Variants in MYH8 observed in about 807,000 individuals in gnomAD.
The protein encoded by MYH8 is myosin heavy chain 8, also known as myosin-8.
MYH8 carries 168 observed loss-of-function variants against 233.2 expected under a neutral mutation model. The observed-to-expected ratio is 0.72, with a 90% CI of 0.64 to 0.82. MYH8 has a LOEUF of 0.82. Ranked by LOEUF, MYH8 falls within the 40% of genes least tolerant of loss-of-function variation. MYH8 has a pLI of 0.00. For missense variants in MYH8, 1,995 were observed against 2,327.8 expected (o/e 0.86, Z 2.94); for synonymous variants, 785 against 850.6 (o/e 0.92, Z 1.34).
intron 22 of MYH8, 133 bp from the exon 23 acceptor site, chr17:10,401,918 C>T (rs1331814063): frequency 2.8e-5 from 36 of 1,281,982 alleles, no homozygotes; most frequent in Middle Eastern, 1.9e-4. Flanking sequence ...TTAATTTAAT[C>T]GAACATTATT....
intron 2 of MYH8, among the ~76,000 whole-genome samples, chr17:10,421,326 T>C (rs2072338018): frequency 6.6e-6 from 1 of 152,192 alleles, no homozygotes; most frequent in Non-Finnish European, 1.5e-5. Context: ...TAAAAATGTC[T>C]ATAAAATGTC....
In MYH8 at chr17:10,404,495, G is replaced by T. The variant is rs1373792176; in HGVS notation, c.2523C>A (p.Pro841=). Residue 841 remains proline (P), a synonymous_variant, in exon 22 of 40, where the codon CCC becomes CCA. Coordinates refer to ENST00000403437, the MANE Select transcript of MYH8 (RefSeq NM_002472.3). The part of the protein sequence containing the change: ...PWMKLFFKIK[P]LLKSAETEKE... Reference sequence around the variant, plus strand: ...TCTCGGTCTCTGCACTCTTGAGGAGGGGCTTAATCTTGAAAAAGAGTTTCA... The same window carrying T: ...TCTCGGTCTCTGCACTCTTGAGGAGTGGCTTAATCTTGAAAAAGAGTTTCA... 1.9e-6 allele frequency: 3 copies of T among 1,613,836 alleles called. No individual in the cohort carries two copies. Among genetic ancestry groups the T allele is most frequent in the Non-Finnish European group, 2.5e-6 (3 of 1,179,906 alleles).
chr17:10,403,812 A>G (rs1047693068), intron 22 of MYH8, among the ~76,000 whole-genome samples: 26 of 152,176 alleles, frequency 1.7e-4, no homozygotes, highest in African/African-American at 6.3e-4. Context: ...AACAGACTCT[A>G]GGAACTAGAG....
intron 33 of MYH8, among the ~76,000 whole-genome samples, chr17:10,395,940 C>G (rs2072074550): frequency 6.6e-6 from 1 of 152,110 alleles, no homozygotes; most frequent in Middle Eastern, 3.4e-3. Flanking sequence ...TTTTTTCCTA[C>G]TTCTATATAT....
chr17:10,396,612 A>G lies in MYH8; in HGVS notation c.4469T>C (p.Val1490Ala), dbSNP rs1468388124. 1 of 1,614,186 alleles carries G rather than the reference A, an allele frequency of 6.2e-7. No individual in the cohort carries two copies. Among genetic ancestry groups the G allele is most frequent in the South Asian group, 1.1e-5 (1 of 91,080 alleles). The change falls in exon 32 of 40, where the codon GTC (valine) becomes GCC (alanine). Residue 1490 changes from valine (V) to alanine (A), a missense_variant. By Grantham distance (64) the Val-to-Ala change is moderately conservative. This residue lies in a region of MYH8 where 1,498 missense variants were observed against 1,680.9 expected (regional missense o/e 0.89). Transcript: ENST00000403437. The surrounding 1 kb of genome is among the most constrained non-coding windows in gnomAD (Gnocchi z 4.2). ...GAGTTGATCCAGGGATTCCTCATAG[A>G]CATTCTTCACCTTGAACAGCTCAGT... Reference protein sequence around the residue: ...LSTELFKVKNVYEESLDQLET... With the variant: ...LSTELFKVKNAYEESLDQLET...
chr17:10,401,472 A>C (rs1417362222), intron 23 of MYH8, 21 bp from the exon 24 acceptor site: 2 of 1,614,080 alleles, frequency 1.2e-6, no homozygotes, highest in South Asian at 2.2e-5. Flanking sequence ...TAAGAAAGAG[A>C]TTATTTCTCC....
In MYH8 at chr17:10,406,075, T is replaced by G; in HGVS notation, c.2398A>C (p.Met800Leu). The change falls in exon 21 of 40, where the codon ATG becomes CTG. Residue 800 changes from methionine to leucine, a missense_variant. Physicochemically the swap from Met to Leu is conservative, Grantham distance 15. Around this residue, in one of 3 missense-constraint regions of MYH8, gnomAD observed 1,498 missense variants for 1,680.9 expected, o/e 0.89. Coordinates refer to ENST00000403437, the MANE Select transcript of MYH8 (RefSeq NM_002472.3). ...AACATCTTCTGATATTCTACCCTCA[T>G]TAGGAATCCCCTACAGACAGCTTGT... ...RTQAVCRGFL[M>L]RVEYQKMLQR... 6.2e-7 allele frequency: 1 copy of G among 1,614,050 alleles called. No homozygotes were observed. Among genetic ancestry groups the G allele is most frequent in the Non-Finnish European group, 8.5e-7 (1 of 1,179,968 alleles).
Position 10,390,621 on chromosome 17 carries a change from A to G in MYH8, c.5665-18T>C, listed in dbSNP as rs777040255. ...TGTTCCTCCTAAGAATAGAGATAAA[A>G]TTGTGAGAATTAGACTGTGTGGTTC... On this transcript the variant is annotated intron_variant, in intron 39 of 39. Transcript: ENST00000403437. 1.2e-6 allele frequency: 2 copies of G among 1,613,128 alleles called. No homozygotes were observed. Among genetic ancestry groups the G allele is most frequent in the Non-Finnish European group, 1.7e-6 (2 of 1,179,034 alleles).
rs991299916 is a variant in MYH8 at position 10,409,542 on chromosome 17, T to C, written c.1634A>G (p.Lys545Arg). 2 of 1,614,064 alleles carry C rather than the reference T, an allele frequency of 1.2e-6. No homozygotes were observed. The highest frequency in any genetic ancestry group is 2.7e-5 in the African/African-American group (2 of 74,924). Reference protein sequence around the residue: ...SILEEECMFPKATDTSFKNKL... With the variant: ...SILEEECMFPRATDTSFKNKL... Reference sequence around the variant, plus strand: ...GTTCTTGAAGGAGGTGTCCGTTGCCTTAGGGAACATGCACTCCTCTTCCAG... The same window carrying C: ...GTTCTTGAAGGAGGTGTCCGTTGCCCTAGGGAACATGCACTCCTCTTCCAG... The change falls in exon 16 of 40, where the codon AAG (lysine) becomes AGG (arginine). Residue 545 changes from lysine (K) to arginine (R), a missense_variant. Lys to Arg is a conservative substitution (Grantham distance 26, BLOSUM62 2). Coordinates refer to ENST00000403437, the MANE Select transcript of MYH8 (RefSeq NM_002472.3).
Position 10,399,583 on chromosome 17 carries a change from A to G in MYH8, c.3822T>C (p.Asn1274=), listed in dbSNP as rs184089245. ...TKEEEQQRLI[N]DLTAQRARLQ... ...GGCGCGCTCTCTGTGCTGTGAGGTC[A>G]TTGATCAGCCGCTGCTGCTCCTCTT... The change falls in exon 28 of 40, where the codon AAT becomes AAC. Residue 1274 remains asparagine, a synonymous_variant. Coordinates refer to ENST00000403437, the MANE Select transcript of MYH8 (RefSeq NM_002472.3). 1.2e-5 allele frequency: 19 copies of G among 1,614,042 alleles called. No homozygotes were observed. The African/African-American group carries it at 1.7e-4, about 15-fold the overall frequency.
intron 17 of MYH8, among the ~76,000 whole-genome samples, chr17:10,408,599 G>T (rs182104865): frequency 6.6e-6 from 1 of 152,146 alleles, no homozygotes; most frequent in African/African-American, 2.4e-5. Flanking sequence ...GAGATATTTC[G>T]TATCTTAATG....
rs1419178281 is a variant in MYH8, at chr17:10,396,466, C to A, written c.4529-12G>T. 6.2e-7 allele frequency: 1 copy of A among 1,613,998 alleles called. No homozygotes were observed. Among genetic ancestry groups the A allele is most frequent in the Non-Finnish European group, 8.5e-7 (1 of 1,179,986 alleles). ...GTCAGAAATCTCCTCTGTGGTTGAA[C>A]AGACAGGAGAGAAATGGTCAGAAAG... On this transcript the variant is annotated splice_polypyrimidine_tract_variant and intron_variant, in intron 32 of 39. Transcript: ENST00000403437. The surrounding 1 kb of genome is among the most constrained non-coding windows in gnomAD (Gnocchi z 4.2).
rs1363118111 is a variant in MYH8 at position 10,395,241 on chromosome 17, C to G, written c.4854G>C (p.Lys1618Asn). 6.2e-7 allele frequency: 1 copy of G among 1,614,016 alleles called. No individual in the cohort carries two copies. The highest frequency in any genetic ancestry group is 8.5e-7 in the Non-Finnish European group (1 of 1,180,042). The change falls in exon 34 of 40, where the codon AAG becomes AAC. Residue 1618 changes from lysine (K) to asparagine (N), a missense_variant. Physicochemically the swap from Lys to Asn is moderately conservative, Grantham distance 94. Around this residue, in one of 3 missense-constraint regions of MYH8, gnomAD observed 1,498 missense variants for 1,680.9 expected, o/e 0.89. Coordinates refer to ENST00000403437, the MANE Select transcript of MYH8 (RefSeq NM_002472.3). ...CATTCAGATCTCCTTCCATTTTCTT[C>G]TTGACTCTCAGAGCATCATTTCTGC... is the stretch of plus-strand genomic sequence containing the variant. ...IRSRNDALRVKKKMEGDLNEM... is the reference protein window; with the variant it reads ...IRSRNDALRVNKKMEGDLNEM...
Position 10,400,656 on chromosome 17 carries a change from C to T in MYH8, c.3469G>A (p.Gly1157Ser), listed in dbSNP as rs747018022. The change falls in exon 27 of 40, where the codon GGT (glycine) becomes AGT (serine). Residue 1157 changes from glycine to serine, a missense_variant. By Grantham distance (56) the Gly-to-Ser change is moderately conservative. Transcript: ENST00000403437. The surrounding 1 kb of genome is among the most constrained non-coding windows in gnomAD (Gnocchi z 4.0). The part of the protein sequence containing the change: ...EEISERLEEA[G>S]GATSAQVELN... ...TCCACCTGAGCAGAAGTTGCCCCAC[C>T]GGCTTCTTCCAGCCTCTCGCTGATC... 33 of 1,614,098 alleles carry T rather than the reference C, an allele frequency of 2.0e-5. No individual in the cohort carries two copies. The highest frequency in any genetic ancestry group is 2.6e-5 in the Non-Finnish European group (31 of 1,180,036).
intron 28 of MYH8, among the ~76,000 whole-genome samples, 195 bp downstream of exon 28, chr17:10,399,348 A>G (rs74988749): frequency 6.6e-6 from 1 of 152,234 alleles, no homozygotes; most frequent in Non-Finnish European, 1.5e-5. Flanking sequence ...CCGGAGATTT[A>G]AAAGCAGCAT....
At position 10,406,947 on chromosome 17, in the gene MYH8, C is replaced by T. The variant is rs778132480; in HGVS notation, c.1998G>A (p.Arg666=). ...ENLNKLMTNL[R]STHPHFVRCI... The stretch of plus-strand genomic sequence containing the variant: ...ACCGTACGAAGTGAGGGTGTGTGCT[C>T]CTCAGATTCGTCATCAATTTATTTA... Residue 666 remains arginine, a synonymous_variant, in exon 18 of 40, where the codon AGG becomes AGA. Transcript: ENST00000403437. 9 of 1,613,962 alleles carry T rather than the reference C, an allele frequency of 5.6e-6. No individual in the cohort carries two copies. Among genetic ancestry groups the T allele is most frequent in the Admixed American group, 1.7e-5 (1 of 60,012 alleles).
Position 10,395,254 on chromosome 17 carries a change from G to C in MYH8, c.4841C>G (p.Ala1614Gly), listed in dbSNP as rs1051333342. 1.2e-6 allele frequency: 2 copies of C among 1,614,118 alleles called. No homozygotes were observed. The highest frequency in any genetic ancestry group is 1.7e-6 in the Non-Finnish European group (2 of 1,180,022). ...LDAEIRSRND[A>G]LRVKKKMEGD... ...TTCCATTTTCTTCTTGACTCTCAGA[G>C]CATCATTTCTGCTTCTAATCTCTGC... The change falls in exon 34 of 40, where the codon GCT (alanine) becomes GGT (glycine). Residue 1614 changes from alanine (A) to glycine (G), a missense_variant. Coordinates refer to ENST00000403437, the MANE Select transcript of MYH8 (RefSeq NM_002472.3).
chr17:10,392,039 A>G (rs2072030529), intron 38 of MYH8, 62 bp from the exon 39 acceptor site: 13 of 1,396,554 alleles, frequency 9.3e-6, no homozygotes, highest in South Asian at 8.1e-5. Flanking sequence ...TCTGGGTACT[A>G]AAATAAAATC....
rs2072076181 is a variant in MYH8, at chr17:10,396,142, CT to C, written c.4653+187del. Among the ~76,000 whole-genome samples the C allele has an allele frequency of 6.6e-6, 1 of 152,144 alleles. No homozygotes were observed. The highest frequency in any genetic ancestry group is 6.5e-5 in the Admixed American group (1 of 15,278). ...CTTAAAGCTTTACTCCATTTGACAT[CT>C]TTTGGGTGATAAAATCTTAGAAATA... is the stretch of plus-strand genomic sequence containing the variant. On this transcript the variant is annotated intron_variant, in intron 33 of 39. Coordinates refer to ENST00000403437, the MANE Select transcript of MYH8 (RefSeq NM_002472.3). This position sits in a 1 kb window ranked among gnomAD's most constrained non-coding sequence, Gnocchi z 4.2.
Sources: allele counts gnomAD v4.1 joint callset (sites outside exome capture counted in the v4.1 genomes callset), GRCh38; gene constraint gnomAD v4.1.1; regional missense constraint gnomAD v4.1.1; non-coding constraint Gnocchi (gnomAD v3.1); transcripts MANE v1.5; gene names NCBI Gene and HGNC (gene_info 2026-07-23, HGNC 2026-07-21).